The following KCNH1 variants were observed in gnomAD, a reference collection of about 807,000 sequenced individuals.
KCNH1 encodes the protein potassium voltage-gated channel subfamily H member 1.
KCNH1 carries 27 observed loss-of-function variants against 69.2 expected under a neutral mutation model. The ratio of observed to expected loss-of-function variants is 0.39; its 90% confidence interval spans 0.29 to 0.54. The LOEUF (loss-of-function observed/expected upper bound fraction) is 0.54. Among genes scored for constraint, KCNH1 ranks in the 20% least tolerant of loss-of-function variants. KCNH1 has a pLI of 0.68. For synonymous variants in KCNH1, 456 were observed against 487.7 expected, an observed-to-expected ratio of 0.93 and a Z score of 0.86; for missense variants, 798 against 1,261.6, an observed-to-expected ratio of 0.63 and a Z score of 5.57.
chr1:210,996,757 A>C (rs1689050745), intron 6 of KCNH1, among the ~76,000 whole-genome samples: 2 of 152,172 alleles, frequency 1.3e-5, no homozygotes, highest in Non-Finnish European at 2.9e-5. Flanking sequence ...CTGACACCTT[A>C]CAAGGTCGGG....
chr1:211,078,656 A>G (rs1469679000), intron 5 of KCNH1, among the ~76,000 whole-genome samples: 2 of 152,216 alleles, frequency 1.3e-5, no homozygotes, highest in East Asian at 3.8e-4. Flanking sequence ...AATGCCCACA[A>G]GAGGAAGCAG....
intron 10 of KCNH1, among the ~76,000 whole-genome samples, chr1:210,761,367 C>A (rs1683517784): frequency 6.7e-6 from 1 of 149,006 alleles, no homozygotes; most frequent in Non-Finnish European, 1.5e-5. Flanking sequence ...AACAACACTA[C>A]AACAGGAACA....
chr1:210,906,911 G>A (rs1687114056), intron 7 of KCNH1, among the ~76,000 whole-genome samples: 1 of 152,182 alleles, frequency 6.6e-6, no homozygotes, highest in Non-Finnish European at 1.5e-5. Flanking sequence ...TAATAACCAA[G>A]TGGATAGATT....
chr1:210,815,099 C>A (rs747249320), intron 7 of KCNH1, among the ~76,000 whole-genome samples: 4 of 152,168 alleles, frequency 2.6e-5, no homozygotes, highest in Non-Finnish European at 4.4e-5. Flanking sequence ...GGTAGAAATG[C>A]AAATTCTCAG....
chr1:211,119,347 G>A (rs966030440), intron 1 of KCNH1, among the ~76,000 whole-genome samples: 3 of 152,024 alleles, frequency 2.0e-5, no homozygotes, highest in African/African-American at 7.2e-5. Context: ...GTGACAGAGG[G>A]ACACTCCATC....
rs117721179 is a variant in KCNH1, at chr1:211,084,164, G to A, written c.440-1266C>T. Among the ~76,000 whole-genome samples, 22 of 152,262 alleles carry A rather than the reference G, an allele frequency of 1.4e-4. 1 individual carries two copies. The East Asian group carries it at 4.1e-3, about 28-fold the overall frequency. Reference sequence around the variant, plus strand: ...TAATGTTAACAGGAGGGCACAGCATGGACTCTGTAGGGGTCTTTGACATCT... The same window carrying A: ...TAATGTTAACAGGAGGGCACAGCATAGACTCTGTAGGGGTCTTTGACATCT... On this transcript the variant is annotated intron_variant, in intron 4 of 10. Transcript: ENST00000271751.
At chr1:210,962,949 G>T (rs1288885890) in intron 6 of KCNH1, among the ~76,000 whole-genome samples, 3 of 150,912 alleles carry the variant, frequency 2.0e-5, no homozygotes, top group African/African-American at 7.3e-5. Flanking sequence ...GTAGTCATTT[G>T]TGCTTCCTCT....
At chr1:210,985,275 T>C (rs1272607688) in intron 6 of KCNH1, among the ~76,000 whole-genome samples, 4 of 152,244 alleles carry the variant, frequency 2.6e-5, no homozygotes, top group Non-Finnish European at 5.9e-5. Context: ...TTTGTGTCTC[T>C]ATCTCCTTCA....
chr1:210,998,082 G>A (rs146348729), intron 6 of KCNH1, among the ~76,000 whole-genome samples: 9,804 of 152,246 alleles, frequency 0.064, 503 homozygotes, highest in South Asian at 0.18. Context: ...AGACTGTCAA[G>A]GCTAGGAAGA....
intron 5 of KCNH1, among the ~76,000 whole-genome samples, chr1:211,072,785 C>T (rs533618616): frequency 1.9e-4 from 28 of 151,324 alleles, no homozygotes; most frequent in Non-Finnish European, 2.9e-5. Context: ...TCAGTTAAAA[C>T]CAAAAAAGGC....
chr1:210,779,025 T>C (rs555942352), intron 9 of KCNH1, among the ~76,000 whole-genome samples: 2 of 152,308 alleles, frequency 1.3e-5, no homozygotes, highest in African/African-American at 4.8e-5. Context: ...GGCAACCATA[T>C]TGTGGTCGGA....
intron 10 of KCNH1, among the ~76,000 whole-genome samples, chr1:210,743,454 C>G (rs1462755278): frequency 1.3e-5 from 2 of 152,160 alleles, no homozygotes; most frequent in Admixed American, 6.5e-5. Flanking sequence ...GCCAGAAAGA[C>G]TGGGATTCTC....
At chr1:211,031,056 T>G (rs2102422818) in intron 5 of KCNH1, among the ~76,000 whole-genome samples, 1 of 151,990 alleles carries the variant, frequency 6.6e-6, no homozygotes, top group Non-Finnish European at 1.5e-5. Context: ...ACACACCTAT[T>G]AAAATGGCTA....
chr1:211,080,419 A>T (rs1690829609), intron 5 of KCNH1, among the ~76,000 whole-genome samples: 1 of 152,238 alleles, frequency 6.6e-6, no homozygotes, highest in African/African-American at 2.4e-5. Flanking sequence ...ATTCAATGCC[A>T]TCCCCATCAA....
chr1:211,029,299 C>T (rs1176200443), intron 5 of KCNH1, among the ~76,000 whole-genome samples: 1 of 128,012 alleles, frequency 7.8e-6, no homozygotes, highest in South Asian at 2.6e-4. Context: ...CAGCACCACA[C>T]TCCAGCCTGG....
intron 6 of KCNH1, among the ~76,000 whole-genome samples, chr1:210,938,965 T>C (rs1230085494): frequency 6.6e-6 from 1 of 152,152 alleles, no homozygotes; most frequent in African/African-American, 2.4e-5. Flanking sequence ...ATATCAATCA[T>C]AGGAATATAA....
intron 6 of KCNH1, among the ~76,000 whole-genome samples, chr1:210,987,719 A>G (rs1268331739): frequency 6.6e-6 from 1 of 152,012 alleles, no homozygotes; most frequent in African/African-American, 2.4e-5. Context: ...CAGTTAGGCT[A>G]CTCGGGGGTC....
intron 5 of KCNH1, among the ~76,000 whole-genome samples, chr1:211,066,467 C>T (rs1187892055): frequency 6.6e-6 from 1 of 152,088 alleles, no homozygotes; most frequent in Admixed American, 6.5e-5. Flanking sequence ...AAGGTAATAT[C>T]ATCAATATTT....
At chr1:210,714,424 G>A in intron 10 of KCNH1, among the ~76,000 whole-genome samples, 1 of 152,060 alleles carries the variant, frequency 6.6e-6, no homozygotes, top group East Asian at 1.9e-4. Flanking sequence ...TGGGGTTGGG[G>A]CCTCTGCTGC....
Sources: gnomAD v4.1 joint callset for allele counts (sites outside exome capture counted in the v4.1 genomes callset) on GRCh38, gnomAD v4.1.1 for gene constraint, MANE v1.5 for transcripts, NCBI Gene and HGNC (gene_info 2026-07-23, HGNC 2026-07-21) for gene names.